BBS9: variants seen among roughly 807,000 people sequenced by gnomAD.
BBS9 encodes the protein protein PTHB1.
Under a neutral mutation model 117.7 loss-of-function variants are expected in BBS9, and 89 were observed. The observed-to-expected ratio is 0.76, with a 90% CI of 0.64 to 0.90. The LOEUF (loss-of-function observed/expected upper bound fraction) is 0.90, where lower values mean the gene tolerates loss of function less well. Ranked by LOEUF, BBS9 falls within the 40% of genes least tolerant of loss-of-function variation. The pLI is 0.00. For synonymous variants in BBS9, 379 were observed against 370.9 expected (o/e 1.02, Z -0.25); for missense variants, 982 against 1,042.2 (o/e 0.94, Z 0.80).
At chr7:33,424,996 A>G (rs1380011314) in intron 19 of BBS9, among the ~76,000 whole-genome samples, 2 of 152,212 alleles carry the variant, frequency 1.3e-5, no homozygotes, top group Non-Finnish European at 2.9e-5. Context: ...CTTCCCCTAA[A>G]GTATGAAATA....
chr7:33,612,020 G>A (rs1480250172), intron 21 of BBS9, among the ~76,000 whole-genome samples: 1 of 151,058 alleles, frequency 6.6e-6, no homozygotes, highest in Admixed American at 6.6e-5. Flanking sequence ...CCCTACAGTG[G>A]CACTGGCTCA....
rs1291537778 is a variant in BBS9 at position 33,383,580 on chromosome 7, T to C, written c.1790-86T>C. On this transcript the variant is annotated intron_variant, in intron 17 of 22. Coordinates refer to ENST00000242067, the MANE Select transcript of BBS9 (RefSeq NM_198428.3). ...TTACAAAAATGAAATCTTTGAACTT[T>C]TAAAGTCAGGATTAGTGATAGTTCA... The C allele has an allele frequency of 3.2e-6, 4 of 1,237,166 alleles. No individual in the cohort carries two copies. The African/African-American group carries it at 6.0e-5, about 19-fold the overall frequency. The allele number at this position is 1,237,166 out of a possible 1,614,324, so 76.6% of individuals were successfully genotyped here.
intron 10 of BBS9, 81 bp downstream of exon 10, chr7:33,336,703 A>G: frequency 1.9e-6 from 2 of 1,037,404 alleles, no homozygotes; most frequent in East Asian, 2.6e-5. Flanking sequence ...TATTTTGTGT[A>G]TTTGTTAATT....
chr7:33,610,866 C>G (rs957067444), downstream of BBS9, among the ~76,000 whole-genome samples: 3 of 152,070 alleles, frequency 2.0e-5, no homozygotes, highest in African/African-American at 4.8e-5. Flanking sequence ...AGCAAAACAG[C>G]AATTCTCTGT....
intron 19 of BBS9, among the ~76,000 whole-genome samples, chr7:33,437,382 T>G (rs1196695166): frequency 6.6e-6 from 1 of 152,180 alleles, no homozygotes; most frequent in Non-Finnish European, 1.5e-5. Context: ...TATATCAGGT[T>G]AACTCCAGGG....
intron 5 of BBS9, among the ~76,000 whole-genome samples, chr7:33,208,093 G>A (rs1369625550): frequency 6.6e-6 from 1 of 152,156 alleles, no homozygotes; most frequent in Non-Finnish European, 1.5e-5. Flanking sequence ...ACAGTTGTGA[G>A]CCACCATGCC....
chr7:33,316,012 C>G (rs7806498), intron 9 of BBS9, among the ~76,000 whole-genome samples: 143,571 of 152,188 alleles, frequency 0.94, 67,779 homozygotes, highest in Admixed American at 0.96. Context: ...TAACTATGCA[C>G]TTTTGACAAA....
chr7:33,180,249 G>C (rs6944623), intron 5 of BBS9, among the ~76,000 whole-genome samples: 136,814 of 152,298 alleles, frequency 0.9, 61,644 homozygotes, highest in African/African-American at 0.97. Flanking sequence ...GCAGTAGGGG[G>C]TACCTGTGTC....
chr7:33,344,156 A>T (rs1817135341), intron 11 of BBS9, among the ~76,000 whole-genome samples: 1 of 128,642 alleles, frequency 7.8e-6, no homozygotes, highest in African/African-American at 3.1e-5. Flanking sequence ...ATCTCGGCTC[A>T]CTGCAAGCTC....
At chr7:33,388,454 T>C (rs1295575275) in intron 19 of BBS9, among the ~76,000 whole-genome samples, 2 of 152,230 alleles carry the variant, frequency 1.3e-5, no homozygotes, top group Non-Finnish European at 2.9e-5. Context: ...TAATATGTGC[T>C]TGATAAATAG....
At chr7:33,365,749 C>G (rs1305084922) in intron 16 of BBS9, among the ~76,000 whole-genome samples, 1 of 152,170 alleles carries the variant, frequency 6.6e-6, no homozygotes, top group African/African-American at 2.4e-5. Flanking sequence ...ACAGGAACCC[C>G]CACTGCTGTG....
At chr7:33,372,088 G>C (rs1822979505) in intron 17 of BBS9, among the ~76,000 whole-genome samples, 1 of 152,110 alleles carries the variant, frequency 6.6e-6, no homozygotes, top group Non-Finnish European at 1.5e-5. Flanking sequence ...AGGAGTTATA[G>C]AGCAAGTGAA....
intron 18 of BBS9, 45 bp downstream of exon 18, chr7:33,383,883 T>C (rs754876210): frequency 6.3e-7 from 1 of 1,576,312 alleles, no homozygotes; most frequent in South Asian, 1.1e-5. Flanking sequence ...CTTAAATATA[T>C]GAAAGAGAAA....
intron 21 of BBS9, among the ~76,000 whole-genome samples, chr7:33,534,777 C>T (rs1285090517): frequency 6.6e-6 from 1 of 152,172 alleles, no homozygotes; most frequent in African/African-American, 2.4e-5. Context: ...AGGGGCTGAG[C>T]AGTCAGTCGT....
At chr7:33,176,151 G>A (rs937923035) in intron 4 of BBS9, among the ~76,000 whole-genome samples, 1 of 151,986 alleles carries the variant, frequency 6.6e-6, no homozygotes, top group African/African-American at 2.4e-5. Flanking sequence ...GAGCTTTTCC[G>A]GCTAGTTCCC....
intron 5 of BBS9, among the ~76,000 whole-genome samples, chr7:33,216,340 C>A (rs893576307): frequency 6.6e-6 from 1 of 151,916 alleles, no homozygotes; most frequent in Non-Finnish European, 1.5e-5. Flanking sequence ...TTTTTGTTCC[C>A]AAACCTAGGC....
At chr7:33,308,159 C>A (rs73099251) in intron 9 of BBS9, among the ~76,000 whole-genome samples, 15,870 of 152,158 alleles carry the variant, frequency 0.1, 1,170 homozygotes, top group Non-Finnish European at 0.16. Context: ...GCTCAGGCAG[C>A]TAGCTGAATG....
At chr7:33,351,396 G>T in intron 14 of BBS9, 73 bp downstream of exon 14, 1 of 951,722 alleles carries the variant, frequency 1.1e-6, no homozygotes, top group Non-Finnish European at 1.7e-6. Flanking sequence ...TTTAAGATGA[G>T]AAAACATACT....
chr7:33,320,486 C>T (rs776426305), intron 9 of BBS9, among the ~76,000 whole-genome samples: 4 of 152,110 alleles, frequency 2.6e-5, no homozygotes, highest in South Asian at 2.1e-4. Context: ...TTTATCCATT[C>T]GTCTGTTGAT....
Sources: gnomAD v4.1 joint callset for allele counts (sites outside exome capture counted in the v4.1 genomes callset) on GRCh38, gnomAD v4.1.1 for gene constraint, MANE v1.5 for transcripts, NCBI Gene and HGNC (gene_info 2026-07-23, HGNC 2026-07-21) for gene names.